Variants in PDE3B observed in about 807,000 individuals in gnomAD.
PDE3B encodes the protein phosphodiesterase 3B.
A neutral mutation model predicts 116.8 loss-of-function variants in PDE3B; 66 were observed. The observed-to-expected ratio is 0.56, with a 90% CI of 0.46 to 0.69. The LOEUF is 0.69. Among genes scored for constraint, PDE3B ranks in the 30% least tolerant of loss-of-function variants. The probability of loss-of-function intolerance (pLI) is 0.00; values close to 1 mark genes in which losing one functional copy is unlikely to be tolerated. For synonymous variants in PDE3B, 595 were observed against 533.6 expected (o/e 1.12, Z -1.59); for missense variants, 1,384 against 1,368.1 (o/e 1.01, Z -0.18).
intron 4 of PDE3B, among the ~76,000 whole-genome samples, chr11:14,790,947 G>A (rs1858364383): frequency 6.6e-6 from 1 of 152,052 alleles, no homozygotes; most frequent in African/African-American, 2.4e-5. Context: ...TGCAATGATG[G>A]AAATAGTTTA....
At chr11:14,742,945 C>T (rs1458394842) in intron 1 of PDE3B, among the ~76,000 whole-genome samples, 2 of 152,096 alleles carry the variant, frequency 1.3e-5, no homozygotes, top group African/African-American at 4.8e-5. Flanking sequence ...GAAGCTTTGT[C>T]CCAGAGGGGC....
At chr11:14,704,187 A>G (rs1023632397) in intron 1 of PDE3B, among the ~76,000 whole-genome samples, 1 of 151,766 alleles carries the variant, frequency 6.6e-6, no homozygotes, top group Non-Finnish European at 1.5e-5. Flanking sequence ...AGATATCTTT[A>G]ATTTTAATGG....
chr11:14,877,877 G>C, the PDE3B span: 2 of 482,862 alleles, frequency 4.1e-6, no homozygotes, highest in Middle Eastern at 5.5e-4. Context: ...AGCATTTTAA[G>C]CAACACCCAT....
intron 5 of PDE3B, among the ~76,000 whole-genome samples, chr11:14,808,890 G>A (rs934752916): frequency 1.3e-5 from 2 of 152,072 alleles, no homozygotes; most frequent in Admixed American, 1.3e-4. Flanking sequence ...GACATTCCAC[G>A]TTTAAGGATC....
At chr11:14,753,256 C>G (rs1209838886) in intron 1 of PDE3B, among the ~76,000 whole-genome samples, 3 of 152,086 alleles carry the variant, frequency 2.0e-5, no homozygotes, top group Non-Finnish European at 2.9e-5. Context: ...CCATGAACCA[C>G]ATACTTTATT....
chr11:14,674,184 G>A, intron 1 of PDE3B: 1 of 1,264,782 alleles, frequency 7.9e-7, no homozygotes, highest in Non-Finnish European at 1.2e-6. Flanking sequence ...CACTGGTACT[G>A]CCACCATCTC....
rs531844373 is a variant in PDE3B at position 14,722,635 on chromosome 11, A to G, written c.979-49302A>G. 8.1e-4 allele frequency among the ~76,000 whole-genome samples: 124 copies of G among 152,328 alleles called. No individual in the cohort carries two copies. The Middle Eastern group carries it at 0.014, about 17-fold the overall frequency. The stretch of plus-strand genomic sequence containing the variant: ...TTTTTTGAAGAGCTAAAGCCTGCCA[A>G]TAACCATGTGAGCGAGCTGAGAAGC... On this transcript the variant is annotated intron_variant, in intron 1 of 15. Coordinates refer to ENST00000282096, the MANE Select transcript of PDE3B (RefSeq NM_000922.4).
intron 12 of PDE3B, among the ~76,000 whole-genome samples, chr11:14,846,419 A>G (rs984111437): frequency 6.6e-6 from 1 of 152,250 alleles, no homozygotes; most frequent in Non-Finnish European, 1.5e-5. Context: ...GGCTAGGAAG[A>G]AACTGCATCA....
rs372787656 is a variant in PDE3B, at chr11:14,748,890, CTT to C, written c.979-23032_979-23031del. On this transcript the variant is annotated intron_variant, in intron 1 of 15. Transcript: ENST00000282096. ...GGTCTATAGCCTTTCTCTTTTCTTT[CTT>C]TTTTTTTTTTTTTTGAGACAGAGTT... Among the ~76,000 whole-genome samples, 63 of 137,542 alleles carry C rather than the reference CTT, an allele frequency of 4.6e-4. No homozygotes were observed. The South Asian group carries it at 6.3e-3, about 14-fold the overall frequency. The allele number at this position is 137,542 out of a possible 152,430, so 90.2% of individuals were successfully genotyped here. A position where few individuals can be genotyped will look rare whatever the true frequency, so the allele number is the denominator to read the frequency against.
intron 1 of PDE3B, among the ~76,000 whole-genome samples, chr11:14,712,835 A>G (rs184721835): frequency 6.6e-6 from 1 of 152,188 alleles, no homozygotes; most frequent in African/African-American, 2.4e-5. Flanking sequence ...TTTCTTTGCA[A>G]GCAATTGTAT....
intron 12 of PDE3B, among the ~76,000 whole-genome samples, chr11:14,847,622 T>A (rs2133978415): frequency 6.6e-6 from 1 of 151,150 alleles, no homozygotes; most frequent in African/African-American, 2.4e-5. Context: ...GAGAGAAGAA[T>A]CAAATAGACG....
intron 4 of PDE3B, among the ~76,000 whole-genome samples, chr11:14,798,153 T>G (rs1351754809): frequency 1.3e-5 from 2 of 152,236 alleles, no homozygotes; most frequent in Non-Finnish European, 2.9e-5. Context: ...GGTGTTGAAT[T>G]TTGTCAAAGG....
At chr11:14,753,153 C>T (rs761517737) in intron 1 of PDE3B, among the ~76,000 whole-genome samples, 8 of 152,036 alleles carry the variant, frequency 5.3e-5, no homozygotes, top group African/African-American at 1.2e-4. Context: ...TGAAAAGTAA[C>T]TTAGTTCTTT....
At chr11:14,883,381 A>G in the PDE3B span, among the ~76,000 whole-genome samples, 2 of 152,224 alleles carry the variant, frequency 1.3e-5, no homozygotes, top group East Asian at 1.9e-4. Flanking sequence ...ATAATGCCGC[A>G]TATCTACAAC....
At chr11:14,816,089 G>T (rs190895773) in intron 5 of PDE3B, among the ~76,000 whole-genome samples, 114 of 152,254 alleles carry the variant, frequency 7.5e-4, no homozygotes, top group Admixed American at 1.4e-3. Context: ...TTCCAGCAGG[G>T]TTAATGTTGC....
intron 1 of PDE3B, among the ~76,000 whole-genome samples, chr11:14,687,150 G>T (rs1854902370): frequency 6.6e-6 from 1 of 152,160 alleles, no homozygotes; most frequent in African/African-American, 2.4e-5. Flanking sequence ...GTATGAGAAT[G>T]AATTAGCCGA....
chr11:14,658,730 C>T (rs960426859), intron 1 of PDE3B, among the ~76,000 whole-genome samples: 1 of 152,110 alleles, frequency 6.6e-6, no homozygotes, highest in Non-Finnish European at 1.5e-5. Flanking sequence ...CTAGATTCTG[C>T]CTTTGTTCAT....
intron 1 of PDE3B, among the ~76,000 whole-genome samples, chr11:14,670,443 G>T (rs1854327322): frequency 1.3e-5 from 2 of 152,094 alleles, no homozygotes; most frequent in Non-Finnish European, 2.9e-5. Flanking sequence ...ATGAAATAGG[G>T]ATTAAACTTG....
chr11:14,784,858 C>A (rs926224013), intron 2 of PDE3B, among the ~76,000 whole-genome samples: 2 of 152,036 alleles, frequency 1.3e-5, no homozygotes, highest in African/African-American at 4.8e-5. Flanking sequence ...ACTGTACTCT[C>A]AGTAAATTTG....
Sources: gnomAD v4.1 joint callset for allele counts (sites outside exome capture counted in the v4.1 genomes callset) on GRCh38, gnomAD v4.1.1 for gene constraint, MANE v1.5 for transcripts, NCBI Gene and HGNC (gene_info 2026-07-23, HGNC 2026-07-21) for gene names.